The following JMJD1C variants were observed in gnomAD, a reference collection of about 807,000 sequenced individuals.
JMJD1C encodes the protein jumonji domain containing 1C.
A neutral mutation model predicts 245.3 loss-of-function variants in JMJD1C; 31 were observed. The observed-to-expected ratio is 0.13, with a 90% CI of 0.09 to 0.17. The LOEUF (loss-of-function observed/expected upper bound fraction) is 0.17, where lower values mean the gene tolerates loss of function less well. Ranked by LOEUF, JMJD1C falls within the 10% of genes least tolerant of loss-of-function variation. The pLI, the probability that JMJD1C is intolerant of heterozygous loss-of-function variation, is 1.00. For missense variants in JMJD1C, 2,691 were observed against 3,000.2 expected, an observed-to-expected ratio of 0.90 and a Z score of 2.41; for synonymous variants, 1,057 against 1,017.4, an observed-to-expected ratio of 1.04 and a Z score of -0.74.
chr10:63,476,473 AATCCCCAC>A (rs1017603541), intron 1 of JMJD1C, among the ~76,000 whole-genome samples: 2 of 152,044 alleles, frequency 1.3e-5, no homozygotes, highest in Admixed American at 6.5e-5. Context: ...TCATACCTGT[AATCCCCAC>A]ATTTTGGGAG....
At chr10:63,176,261 C>T (rs1416285542) in intron 24 of JMJD1C, 36 bp downstream of exon 24, 18 of 1,474,068 alleles carry the variant, frequency 1.2e-5, no homozygotes, top group Non-Finnish European at 1.6e-5. Flanking sequence ...TTCTTTCAGT[C>T]AGTAAAAAAT....
In JMJD1C at chr10:63,493,361, A is replaced by G. The variant is rs376306962; in HGVS notation, n.113+28377T>C. On this transcript the variant is annotated intron_variant and non_coding_transcript_variant, in intron 1 of 3. Transcript: ENST00000633035. Reference sequence around the variant, plus strand: ...ACTGAAACCTCCACCTCCTTGGTTCAAGCGATTCTCCTGCCTCTGCCTCAT... The same window carrying G: ...ACTGAAACCTCCACCTCCTTGGTTCGAGCGATTCTCCTGCCTCTGCCTCAT... 7.2e-4 allele frequency among the ~76,000 whole-genome samples: 100 copies of G among 139,372 alleles called. 1 individual carries two copies. Among genetic ancestry groups the G allele is most frequent in the African/African-American group, 2.6e-3 (97 of 37,106 alleles). 91.4% of individuals were successfully genotyped at this position (139,372 alleles called of 152,430 possible).
chr10:63,505,190 G>A (rs956127335), intron 1 of JMJD1C, among the ~76,000 whole-genome samples: 2 of 151,892 alleles, frequency 1.3e-5, no homozygotes, highest in East Asian at 1.9e-4. Flanking sequence ...GGTGGCGGGC[G>A]CCTGTAGTCC....
At position 63,303,843 on chromosome 10, in the gene JMJD1C, T is replaced by C. The variant is rs150599886; in HGVS notation, c.334-39079A>G. Among the ~76,000 whole-genome samples the C allele has an allele frequency of 2.4e-3, 367 of 152,336 alleles. 3 individuals carry two copies. In the South Asian group the frequency reaches 0.029, roughly 12 times the overall value. On this transcript the variant is annotated intron_variant, in intron 2 of 25. Transcript: ENST00000399262. ...GAAAGCCATTAATAATAGCTTGTTA[T>C]CTTTGCCAAGCAAAAAATAACCAAG...
chr10:63,270,246 A>T (rs1277330014), intron 2 of JMJD1C, among the ~76,000 whole-genome samples: 1 of 152,072 alleles, frequency 6.6e-6, no homozygotes, highest in Non-Finnish European at 1.5e-5. Context: ...AACTCACTGC[A>T]ACCTCTGCCT....
At chr10:63,228,559 G>A (rs546530370) in intron 3 of JMJD1C, among the ~76,000 whole-genome samples, 3 of 152,048 alleles carry the variant, frequency 2.0e-5, no homozygotes, top group Non-Finnish European at 2.9e-5. Context: ...ACAAGAAGCA[G>A]GCTGGATTAG....
rs760376249 is a variant in JMJD1C at position 63,213,636 on chromosome 10, A to G, written c.2531T>C (p.Leu844Pro). ...QQLLQHQSPH[L>P]LGQAHPSASY... ...AGCAGAAGGATGGGCTTGTCCAAGAAGATGAGGTGACTGGTGCTGTAACAA... is the reference window on the plus strand; with the variant it reads ...AGCAGAAGGATGGGCTTGTCCAAGAGGATGAGGTGACTGGTGCTGTAACAA... Residue 844 changes from leucine (L) to proline (P), a missense_variant, in exon 8 of 26, where the codon CTT becomes CCT. By Grantham distance (98) the Leu-to-Pro change is moderately conservative. Coordinates refer to ENST00000399262, the MANE Select transcript of JMJD1C (RefSeq NM_032776.3). The G allele has an allele frequency of 6.2e-7, 1 of 1,614,236 alleles. No individual in the cohort carries two copies. Among genetic ancestry groups the G allele is most frequent in the Non-Finnish European group, 8.5e-7 (1 of 1,180,016 alleles).
At chr10:63,417,711 T>C (rs1949887192) in intron 1 of JMJD1C, among the ~76,000 whole-genome samples, 1 of 152,212 alleles carries the variant, frequency 6.6e-6, no homozygotes, top group Non-Finnish European at 1.5e-5. Context: ...CATCATATTG[T>C]ATATGTTAAA....
At chr10:63,431,949 T>C (rs1219880785) in intron 1 of JMJD1C, among the ~76,000 whole-genome samples, 1 of 152,102 alleles carries the variant, frequency 6.6e-6, no homozygotes, top group East Asian at 1.9e-4. Context: ...GGGACAGGGG[T>C]TGCGGTGAGC....
At chr10:63,335,924 C>A (rs371877567) in intron 2 of JMJD1C, among the ~76,000 whole-genome samples, 22 of 151,872 alleles carry the variant, frequency 1.4e-4, no homozygotes, top group African/African-American at 4.8e-4. Context: ...AGTTCAAGAA[C>A]AGCCTGGGCA....
intron 3 of JMJD1C, among the ~76,000 whole-genome samples, chr10:63,259,062 G>T (rs998974684): frequency 6.6e-6 from 1 of 152,186 alleles, no homozygotes; most frequent in Non-Finnish European, 1.5e-5. Context: ...ACTATAAGCT[G>T]AAGTGAAGGT....
intron 1 of JMJD1C, among the ~76,000 whole-genome samples, chr10:63,454,235 G>A (rs1181171118): frequency 1.3e-5 from 2 of 151,182 alleles, no homozygotes; most frequent in African/African-American, 2.4e-5. Flanking sequence ...AAATGTGATC[G>A]GAGCTCTAAA....
At chr10:63,493,563 T>TGGGG in intron 1 of JMJD1C, among the ~76,000 whole-genome samples, 1 of 152,144 alleles carries the variant, frequency 6.6e-6, no homozygotes, top group African/African-American at 2.4e-5. Flanking sequence ...ATTACAGGCG[T>TGGGG]GAGCCACCAC....
chr10:63,230,013 T>C (rs1422904253), intron 3 of JMJD1C, among the ~76,000 whole-genome samples: 1 of 152,212 alleles, frequency 6.6e-6, no homozygotes, highest in Admixed American at 6.5e-5. Context: ...GAAGTGAACC[T>C]TAAAGACAAT....
chr10:63,370,877 T>C (rs2134428030), intron 2 of JMJD1C, among the ~76,000 whole-genome samples: 1 of 152,342 alleles, frequency 6.6e-6, no homozygotes. Flanking sequence ...ATATGAAATT[T>C]CCAATTTGCT....
chr10:63,224,373 T>G, intron 3 of JMJD1C, among the ~76,000 whole-genome samples: 1 of 152,312 alleles, frequency 6.6e-6, no homozygotes, highest in East Asian at 1.9e-4. Flanking sequence ...GAGTGCTGAA[T>G]GATGTGAACT....
chr10:63,220,070 T>G (rs1224073739), intron 3 of JMJD1C, 87 bp from the exon 4 acceptor site: 4 of 894,570 alleles, frequency 4.5e-6, no homozygotes, highest in Non-Finnish European at 6.8e-6. Flanking sequence ...TTCTAAGGAC[T>G]GAATAAAATT....
intron 1 of JMJD1C, among the ~76,000 whole-genome samples, chr10:63,410,985 G>A (rs1949440484): frequency 6.6e-6 from 1 of 152,160 alleles, no homozygotes; most frequent in African/African-American, 2.4e-5. Context: ...TAATGAAGAA[G>A]TTTTGGACTT....
chr10:63,493,159 C>T (rs1375919166), intron 1 of JMJD1C, among the ~76,000 whole-genome samples: 1 of 146,668 alleles, frequency 6.8e-6, no homozygotes, highest in Non-Finnish European at 1.5e-5. Flanking sequence ...ATAATGTATT[C>T]ATAGCAAAAA....
Sources: gnomAD v4.1 joint callset for allele counts (sites outside exome capture counted in the v4.1 genomes callset) on GRCh38, gnomAD v4.1.1 for gene constraint, MANE v1.5 for transcripts, NCBI Gene and HGNC (gene_info 2026-07-23, HGNC 2026-07-21) for gene names.